COL8A1: variants seen among roughly 807,000 people sequenced by gnomAD.
COL8A1 encodes the protein collagen alpha-1(VIII) chain.
A neutral mutation model predicts 42.7 loss-of-function variants in COL8A1; 21 were observed. That is an observed-to-expected ratio of 0.49 (90% CI 0.35 to 0.71). The LOEUF (loss-of-function observed/expected upper bound fraction) is 0.71. Ranked by LOEUF, COL8A1 falls within the 30% of genes least tolerant of loss-of-function variation. The pLI, the probability that COL8A1 is intolerant of heterozygous loss-of-function variation, is 0.01. For synonymous variants in COL8A1, 367 were observed against 369.1 expected, an observed-to-expected ratio of 0.99 and a Z score of 0.06; for missense variants, 788 against 962.4, an observed-to-expected ratio of 0.82 and a Z score of 2.40.
intron 1 of COL8A1, among the ~76,000 whole-genome samples, chr3:99,731,725 G>C (rs1940515363): frequency 6.6e-6 from 1 of 152,120 alleles, no homozygotes; most frequent in Non-Finnish European, 1.5e-5. Flanking sequence ...TTGTTCTCAA[G>C]ATCTGACTAT....
rs148510505 is a variant in COL8A1 at position 99,731,166 on chromosome 3, A to G, written c.-128-13731A>G. On this transcript the variant is annotated intron_variant, in intron 1 of 3. Transcript: ENST00000652472. ...GACAGACTGAAAATAAACAAAATGTATAATTAAGTAAGGAAGCTATCACTG... is the reference window on the plus strand; with the variant it reads ...GACAGACTGAAAATAAACAAAATGTGTAATTAAGTAAGGAAGCTATCACTG... Among the ~76,000 whole-genome samples the G allele has an allele frequency of 1.8e-3, 270 of 152,284 alleles. 3 individuals carry two copies. Among genetic ancestry groups the G allele is most frequent in the Non-Finnish European group, 3.0e-3 (205 of 68,004 alleles).
chr3:99,761,279 C>G (rs908149891), intron 2 of COL8A1, among the ~76,000 whole-genome samples: 3 of 152,134 alleles, frequency 2.0e-5, no homozygotes, highest in Non-Finnish European at 2.9e-5. Context: ...TATTGTGGAC[C>G]TGGCACTGTC....
chr3:99,737,168 C>G (rs986198244), intron 1 of COL8A1, among the ~76,000 whole-genome samples: 17 of 152,150 alleles, frequency 1.1e-4, no homozygotes, highest in Non-Finnish European at 2.5e-4. Context: ...CACACTGATG[C>G]GACTTGACTC....
intron 1 of COL8A1, among the ~76,000 whole-genome samples, chr3:99,650,914 T>C (rs939859076): frequency 6.6e-6 from 1 of 152,234 alleles, no homozygotes; most frequent in East Asian, 1.9e-4. Flanking sequence ...ATATGCTTTT[T>C]TCTATCCCCA....
intron 1 of COL8A1, among the ~76,000 whole-genome samples, chr3:99,714,481 A>G (rs1939938335): frequency 6.6e-6 from 1 of 152,092 alleles, no homozygotes; most frequent in African/African-American, 2.4e-5. Context: ...GTGTTAACAG[A>G]AGAATGATGA....
At chr3:99,693,339 A>T (rs12488843) in intron 1 of COL8A1, among the ~76,000 whole-genome samples, 21,174 of 152,248 alleles carry the variant, frequency 0.14, 1,653 homozygotes, top group African/African-American at 0.2. Context: ...AAATATATTT[A>T]AAAAAGTTAA....
intron 1 of COL8A1, among the ~76,000 whole-genome samples, chr3:99,741,741 A>C (rs1030635361): frequency 2.6e-5 from 4 of 152,166 alleles, no homozygotes; most frequent in African/African-American, 9.7e-5. Context: ...GGCTCCAAAA[A>C]ACAATGTTCC....
chr3:99,736,481 G>A (rs1221623861), intron 1 of COL8A1, among the ~76,000 whole-genome samples: 7 of 151,832 alleles, frequency 4.6e-5, no homozygotes, highest in Admixed American at 2.0e-4. Flanking sequence ...CCTTCATTTC[G>A]TTATGTACCC....
intron 2 of COL8A1, among the ~76,000 whole-genome samples, chr3:99,781,862 C>T (rs192243922): frequency 6.6e-5 from 10 of 152,314 alleles, no homozygotes; most frequent in Non-Finnish European, 1.5e-4. Context: ...AGAGCTGCCT[C>T]TGGATTTTAG....
At chr3:99,694,730 C>A (rs1269094659) in intron 1 of COL8A1, among the ~76,000 whole-genome samples, 1 of 152,138 alleles carries the variant, frequency 6.6e-6, no homozygotes, top group East Asian at 1.9e-4. Flanking sequence ...TGTTCTTAAC[C>A]TCTTCATCTT....
rs72932398 is a variant in COL8A1 at position 99,772,412 on chromosome 3, A to T, written c.-3-18268A>T. Among the ~76,000 whole-genome samples, 188 of 152,298 alleles carry T rather than the reference A, an allele frequency of 1.2e-3. 1 individual carries two copies. Among genetic ancestry groups the T allele is most frequent in the African/African-American group, 4.4e-3 (184 of 41,566 alleles). ...ATTATGCATTTGTCAAAACTCATAG[A>T]ATGTACAACACCAAGAGTGAACACT... On this transcript the variant is annotated intron_variant, in intron 2 of 3. Coordinates refer to ENST00000652472, the MANE Select transcript of COL8A1 (RefSeq NM_020351.4).
intron 2 of COL8A1, among the ~76,000 whole-genome samples, chr3:99,755,988 G>C (rs1290897534): frequency 1.3e-5 from 2 of 151,966 alleles, no homozygotes; most frequent in African/African-American, 4.8e-5. Context: ...ATTGGACTCC[G>C]CACATGAATG....
intron 2 of COL8A1, among the ~76,000 whole-genome samples, chr3:99,777,537 C>G (rs1941717077): frequency 6.6e-6 from 1 of 152,194 alleles, no homozygotes; most frequent in Non-Finnish European, 1.5e-5. Flanking sequence ...TTCAGACACA[C>G]TTTCTGGTAT....
At chr3:99,657,811 C>T (rs1256235173) in intron 1 of COL8A1, among the ~76,000 whole-genome samples, 1 of 152,054 alleles carries the variant, frequency 6.6e-6, no homozygotes, top group East Asian at 1.9e-4. Flanking sequence ...TGGTACACAC[C>T]AGATTGTGAC....
At chr3:99,701,454 A>G (rs1267289403) in intron 1 of COL8A1, among the ~76,000 whole-genome samples, 16 of 152,206 alleles carry the variant, frequency 1.1e-4, no homozygotes. Context: ...GTCCTTTGGC[A>G]GTGGAGTATT....
chr3:99,658,625 A>C (rs1204072741), intron 1 of COL8A1, among the ~76,000 whole-genome samples: 6 of 152,340 alleles, frequency 3.9e-5, no homozygotes, highest in Middle Eastern at 3.4e-3. Context: ...CAGTGCTGTT[A>C]ATGAAAGAAT....
In COL8A1 at chr3:99,726,328, T is replaced by A. The variant is rs912962038; in HGVS notation, c.-128-18569T>A. Among the ~76,000 whole-genome samples the A allele has an allele frequency of 7.9e-5, 12 of 151,820 alleles. No individual in the cohort carries two copies. The Middle Eastern group carries it at 0.014, about 173-fold the overall frequency. ...GGATATTAGCCCTTTGTCATATGAG[T>A]AGGTTGTGAAAATTTTCTCCCATTT... is the stretch of plus-strand genomic sequence containing the variant. On this transcript the variant is annotated intron_variant, in intron 1 of 3. Transcript: ENST00000652472.
At chr3:99,677,150 A>C (rs1938723635) in intron 1 of COL8A1, among the ~76,000 whole-genome samples, 1 of 151,808 alleles carries the variant, frequency 6.6e-6, no homozygotes, top group Non-Finnish European at 1.5e-5. Flanking sequence ...AATTACATAT[A>C]TATATATAAG....
At chr3:99,723,808 C>A (rs1940225408) in intron 1 of COL8A1, among the ~76,000 whole-genome samples, 1 of 152,100 alleles carries the variant, frequency 6.6e-6, no homozygotes, top group East Asian at 1.9e-4. Flanking sequence ...AATGATTATC[C>A]CAACACCATC....
Sources: allele counts gnomAD v4.1 joint callset (sites outside exome capture counted in the v4.1 genomes callset), GRCh38; gene constraint gnomAD v4.1.1; transcripts MANE v1.5; gene names NCBI Gene and HGNC (gene_info 2026-07-23, HGNC 2026-07-21).